SMCO4: variants seen among roughly 807,000 people sequenced by gnomAD.
The protein encoded by SMCO4 is single-pass membrane and coiled-coil domain-containing protein 4.
Under a neutral mutation model 3.6 loss-of-function variants are expected in SMCO4, and 4 were observed. The observed-to-expected ratio is 1.11, with a 90% CI of 0.54 to 2.53. SMCO4 has a LOEUF of 2.53. SMCO4 is among the 30% of genes most tolerant of loss of function. The probability of loss-of-function intolerance (pLI) is 0.02; values close to 1 mark genes in which losing one functional copy is unlikely to be tolerated. For synonymous variants in SMCO4, 36 were observed against 35.3 expected (o/e 1.02, Z -0.07); for missense variants, 70 against 80.8 (o/e 0.87, Z 0.51).
rs183306511 is a variant in SMCO4, at chr11:93,485,615, G to A, written c.-80-6346C>T. Among the ~76,000 whole-genome samples the A allele has an allele frequency of 1.2e-4, 18 of 152,220 alleles. 1 individual carries two copies. The highest frequency in any genetic ancestry group is 1.3e-4 in the Admixed American group (2 of 15,282). On this transcript the variant is annotated intron_variant, in intron 2 of 2. Transcript: ENST00000298966. ...TGGGCCTCTGACGTCTCCACTTCTC[G>A]GGGACTGCAAATGTGCCTTGCTGGT...
chr11:93,540,137 C>T (rs1949260267), intron 1 of SMCO4, among the ~76,000 whole-genome samples: 1 of 151,928 alleles, frequency 6.6e-6, no homozygotes, highest in Admixed American at 6.6e-5. Context: ...GGTGGGAAGG[C>T]AAAAAGGCTA....
chr11:93,506,626 A>G (rs1948905626), intron 1 of SMCO4, among the ~76,000 whole-genome samples: 1 of 151,966 alleles, frequency 6.6e-6, no homozygotes, highest in African/African-American at 2.4e-5. Context: ...TTTTTGTAGT[A>G]GAGACGGGGT....
intron 2 of SMCO4, among the ~76,000 whole-genome samples, chr11:93,492,452 C>A (rs1483056232): frequency 6.6e-6 from 1 of 152,082 alleles, no homozygotes; most frequent in African/African-American, 2.4e-5. Context: ...ATTCACAGTC[C>A]AATTGAGGGA....
Position 93,514,232 on chromosome 11 carries a change from T to C in SMCO4, c.-153-14884A>G, listed in dbSNP as rs531789022. Among the ~76,000 whole-genome samples, 8 of 151,744 alleles carry C rather than the reference T, an allele frequency of 5.3e-5. No homozygotes were observed. In the East Asian group the frequency reaches 1.5e-3, roughly 29 times the overall value. On this transcript the variant is annotated intron_variant, in intron 1 of 2. Transcript: ENST00000298966. ...ATCACTGAGGGCTATAGGCCAGTGG[T>C]TCATGGCAAAAATTAGTCTACAAAG...
intron 2 of SMCO4, among the ~76,000 whole-genome samples, chr11:93,491,380 T>C (rs1948716120): frequency 6.6e-6 from 1 of 152,232 alleles, no homozygotes; most frequent in African/African-American, 2.4e-5. Context: ...TCTGTTATCT[T>C]AAAACATCAA....
chr11:93,516,981 G>A (rs1422679141), intron 1 of SMCO4, among the ~76,000 whole-genome samples: 1 of 152,062 alleles, frequency 6.6e-6, no homozygotes, highest in Non-Finnish European at 1.5e-5. Context: ...AAAGCTGGAT[G>A]ATGGGAGCCT....
chr11:93,549,687 G>A, the SMCO4 span, among the ~76,000 whole-genome samples: 2 of 151,358 alleles, frequency 1.3e-5, no homozygotes, highest in Admixed American at 6.6e-5. Context: ...TTGAACTCCT[G>A]GGCTCAAGTG....
intron 2 of SMCO4, among the ~76,000 whole-genome samples, chr11:93,490,151 A>G (rs2605606): frequency 0.14 from 21,920 of 152,224 alleles, 1,998 homozygotes; most frequent in East Asian, 0.45. Flanking sequence ...CTGAAGGTGG[A>G]GTAAGGAAAA....
chr11:93,548,273 G>T (rs1318288562), upstream of SMCO4, among the ~76,000 whole-genome samples: 2 of 152,158 alleles, frequency 1.3e-5, no homozygotes, highest in Non-Finnish European at 2.9e-5. Context: ...TTGGATGTGG[G>T]TTTTTTGTTT....
chr11:93,540,093 C>A (rs1949259806), intron 1 of SMCO4, among the ~76,000 whole-genome samples: 2 of 152,154 alleles, frequency 1.3e-5, no homozygotes, highest in South Asian at 4.1e-4. Context: ...CAATCACAGG[C>A]CCTGGAATAT....
intron 1 of SMCO4, chr11:93,535,602 T>C (rs1565390760): frequency 1.3e-6 from 2 of 1,548,980 alleles, no homozygotes; most frequent in Admixed American, 1.7e-5. Flanking sequence ...AGAAAGGTAC[T>C]GTGGAGGGCT....
At chr11:93,508,603 G>A (rs1948930270) in intron 1 of SMCO4, among the ~76,000 whole-genome samples, 1 of 152,156 alleles carries the variant, frequency 6.6e-6, no homozygotes, top group Non-Finnish European at 1.5e-5. Context: ...ACAAAGTGCA[G>A]GGCTTTAAAC....
chr11:93,491,705 C>T (rs1948719531), intron 2 of SMCO4, among the ~76,000 whole-genome samples: 1 of 152,100 alleles, frequency 6.6e-6, no homozygotes, highest in African/African-American at 2.4e-5. Flanking sequence ...TTATTTCTCC[C>T]AAATCTTTGG....
intron 2 of SMCO4, among the ~76,000 whole-genome samples, chr11:93,496,179 G>A (rs748496172): frequency 6.6e-6 from 1 of 152,210 alleles, no homozygotes; most frequent in Non-Finnish European, 1.5e-5. Context: ...AAGAAAAGGG[G>A]AAGCAGGCAG....
chr11:93,487,808 A>T (rs1948668704), intron 2 of SMCO4, among the ~76,000 whole-genome samples: 1 of 152,268 alleles, frequency 6.6e-6, no homozygotes, highest in Non-Finnish European at 1.5e-5. Flanking sequence ...TTTCAGTCCC[A>T]TCCTGGCAAT....
At chr11:93,544,784 C>T (rs1296818036), upstream of SMCO4, among the ~76,000 whole-genome samples, 1 of 152,124 alleles carries the variant, frequency 6.6e-6, no homozygotes, top group Non-Finnish European at 1.5e-5. Context: ...GAGAATAAGA[C>T]CTTGTCACAT....
At chr11:93,528,128 C>T (rs1401966072) in intron 1 of SMCO4, among the ~76,000 whole-genome samples, 1 of 151,844 alleles carries the variant, frequency 6.6e-6, no homozygotes, top group African/African-American at 2.4e-5. Context: ...TTAAAAAGCC[C>T]TCCTATAATA....
At chr11:93,500,120 G>A (rs1449423758) in intron 1 of SMCO4, among the ~76,000 whole-genome samples, 2 of 152,202 alleles carry the variant, frequency 1.3e-5, no homozygotes, top group Non-Finnish European at 2.9e-5. Flanking sequence ...ACTAAAATAC[G>A]TAAAGATAAA....
At chr11:93,500,201 C>T (rs1948821066) in intron 1 of SMCO4, among the ~76,000 whole-genome samples, 1 of 152,190 alleles carries the variant, frequency 6.6e-6, no homozygotes, top group Non-Finnish European at 1.5e-5. Context: ...GGTCAGCAAT[C>T]AGTGCTGAGT....
Sources: gnomAD v4.1 joint callset for allele counts (sites outside exome capture counted in the v4.1 genomes callset) on GRCh38, gnomAD v4.1.1 for gene constraint, MANE v1.5 for transcripts, NCBI Gene and HGNC (gene_info 2026-07-23, HGNC 2026-07-21) for gene names.